ANKRD50: variants seen among roughly 807,000 people sequenced by gnomAD.
The protein encoded by ANKRD50 is ankyrin repeat domain-containing protein 50.
A neutral mutation model predicts 112.0 loss-of-function variants in ANKRD50; 40 were observed. The observed-to-expected ratio is 0.36, with a 90% CI of 0.28 to 0.46. The LOEUF (loss-of-function observed/expected upper bound fraction) is 0.46, where lower values mean the gene tolerates loss of function less well. Among genes scored for constraint, ANKRD50 ranks in the 20% least tolerant of loss-of-function variants. ANKRD50 has a pLI of 1.00. For synonymous variants in ANKRD50, 613 were observed against 619.1 expected (o/e 0.99, Z 0.15); for missense variants, 1,487 against 1,701.7 (o/e 0.87, Z 2.22).
At chr4:124,703,258 G>A (rs1439028479) in intron 2 of ANKRD50, among the ~76,000 whole-genome samples, 2 of 152,080 alleles carry the variant, frequency 1.3e-5, no homozygotes, top group African/African-American at 2.4e-5. Flanking sequence ...TGAGCAGTAC[G>A]TTCACAGGCA....
At chr4:124,703,007 T>C (rs570117865) in intron 2 of ANKRD50, among the ~76,000 whole-genome samples, 1 of 151,988 alleles carries the variant, frequency 6.6e-6, no homozygotes, top group South Asian at 2.1e-4. Flanking sequence ...TGATTGCTAA[T>C]AAGATAGCAA....
chr4:124,701,109 A>G (rs187610255), intron 2 of ANKRD50, among the ~76,000 whole-genome samples: 2 of 152,290 alleles, frequency 1.3e-5, no homozygotes, highest in East Asian at 3.9e-4. Context: ...GATTACAGGC[A>G]TGTACCACCA....
rs1196082727 is a variant in ANKRD50, at chr4:124,670,063, T to C, written c.3214A>G (p.Asn1072Asp). ...GTGCGTCCAAATTGATCAGCATGGT[T>C]TGGATCAGCACCATGCTCTAATAAG... ...QVLLEHGADP[N>D]HADQFGRTAM... Residue 1072 changes from asparagine (N) to aspartate (D), a missense_variant, in exon 4 of 5, where the codon AAC (asparagine) becomes GAC (aspartate). Asn to Asp is a conservative substitution (Grantham distance 23). Transcript: ENST00000504087. 1 of 1,612,784 alleles carries C rather than the reference T, an allele frequency of 6.2e-7. No individual in the cohort carries two copies.
At chr4:124,701,982 CAT>C (rs1338267867) in intron 2 of ANKRD50, among the ~76,000 whole-genome samples, 2 of 152,138 alleles carry the variant, frequency 1.3e-5, no homozygotes, top group Admixed American at 1.3e-4. Flanking sequence ...ACAAAAGCTT[CAT>C]ATGTCTACTG....
chr4:124,683,299 T>C (rs1724934417), intron 2 of ANKRD50, among the ~76,000 whole-genome samples: 1 of 151,278 alleles, frequency 6.6e-6, no homozygotes, highest in Non-Finnish European at 1.5e-5. Flanking sequence ...AATACATATA[T>C]TAATATTATA....
Position 124,670,955 on chromosome 4 carries a change from T to C in ANKRD50, c.2322A>G (p.Val774=). The C allele has an allele frequency of 6.2e-7, 1 of 1,613,906 alleles. No homozygotes were observed. The highest frequency in any genetic ancestry group is 8.5e-7 in the Non-Finnish European group (1 of 1,179,870). Residue 774 remains valine, a synonymous_variant, in exon 4 of 5, where the codon GTA becomes GTG. Coordinates refer to ENST00000504087, the MANE Select transcript of ANKRD50 (RefSeq NM_020337.3). ...VDLLLEGGAD[V]DHTDNNGRTP... ...TACGGCCATTGTTATCTGTGTGATC[T>C]ACATCTGCTCCCCCTTCTAGAAGCA...
intron 2 of ANKRD50, among the ~76,000 whole-genome samples, chr4:124,706,783 G>A (rs1725516095): frequency 6.6e-6 from 1 of 151,936 alleles, no homozygotes; most frequent in South Asian, 2.1e-4. Flanking sequence ...AAACATCATC[G>A]CTTAGCCTAC....
intron 2 of ANKRD50, among the ~76,000 whole-genome samples, chr4:124,695,070 A>G (rs1725222906): frequency 6.6e-6 from 1 of 152,216 alleles, no homozygotes; most frequent in African/African-American, 2.4e-5. Flanking sequence ...ATCCAATAAA[A>G]TTGGAAAGAG....
rs1369452183 is a variant in ANKRD50 at position 124,710,264 on chromosome 4, T to C, written c.248A>G (p.Lys83Arg). ...TAAGAGTTCAGTACATAGGGCCGTC[T>C]TGCCACTGCCAGGCCCTCCTACCAA... ...VLLVGGPGSG[K>R]TALCTELLWP... Residue 83 changes from lysine (K) to arginine (R), a missense_variant, in exon 2 of 5, where the codon AAG becomes AGG. This residue lies in a region of ANKRD50 where 1,046 missense variants were observed against 1,269.5 expected (regional missense o/e 0.82). Coordinates refer to ENST00000504087, the MANE Select transcript of ANKRD50 (RefSeq NM_020337.3). The C allele has an allele frequency of 1.2e-6, 2 of 1,614,222 alleles. No individual in the cohort carries two copies. The highest frequency in any genetic ancestry group is 8.5e-7 in the Non-Finnish European group (1 of 1,180,036).
rs1040461513 is a variant in ANKRD50 at position 124,711,061 on chromosome 4, T to G, written c.-550A>C. ...TCGTTGAAGGATGATCACTCAAGAG[T>G]ACTAGATCGTGCCAGTTTCAGGCAT... On this transcript the variant is annotated 5_prime_UTR_variant, in exon 2 of 5. Coordinates refer to ENST00000504087, the MANE Select transcript of ANKRD50 (RefSeq NM_020337.3). 7.0e-6 allele frequency: 2 copies of G among 284,332 alleles called. No homozygotes were observed. The highest frequency in any genetic ancestry group is 1.3e-5 in the Non-Finnish European group (2 of 155,214). 17.6% of individuals were successfully genotyped at this position (284,332 alleles called of 1,614,324 possible).
chr4:124,686,356 TACAG>T (rs1163020261), intron 2 of ANKRD50, among the ~76,000 whole-genome samples: 1 of 152,138 alleles, frequency 6.6e-6, no homozygotes, highest in Non-Finnish European at 1.5e-5. Context: ...AATTGTGAAT[TACAG>T]ACAGAATGTG....
intron 2 of ANKRD50, among the ~76,000 whole-genome samples, chr4:124,704,608 A>G (rs1269370432): frequency 6.6e-6 from 1 of 152,206 alleles, no homozygotes; most frequent in Non-Finnish European, 1.5e-5. Flanking sequence ...CCTTCTTTCA[A>G]TTAGGTTCAC....
chr4:124,701,531 T>C (rs902864060), intron 2 of ANKRD50, among the ~76,000 whole-genome samples: 12 of 150,390 alleles, frequency 8.0e-5, no homozygotes, highest in African/African-American at 2.5e-4. Flanking sequence ...AAAATGTGTA[T>C]AGTAGAAAGA....
chr4:124,671,629 C>G lies in ANKRD50; in HGVS notation c.1648G>C (p.Ala550Pro), dbSNP rs1165923984. 1.2e-6 allele frequency: 2 copies of G among 1,613,858 alleles called. No individual in the cohort carries two copies. Among genetic ancestry groups the G allele is most frequent in the Non-Finnish European group, 1.7e-6 (2 of 1,179,850 alleles). ...AGACTGCCACTATATGCAGCATTAG[C>G]CAATAATGTTCTCCCATTTGAATCA... is the stretch of plus-strand genomic sequence containing the variant. The part of the protein sequence containing the change: ...QCDSNGRTLL[A>P]NAAYSGSLDV... The change falls in exon 4 of 5, where the codon GCT (alanine) becomes CCT (proline). Residue 550 changes from alanine to proline, a missense_variant. Ala to Pro is a conservative substitution (Grantham distance 27, BLOSUM62 -1). Transcript: ENST00000504087.
Position 124,670,740 on chromosome 4 carries a change from G to A in ANKRD50, c.2537C>T (p.Ala846Val). 1 of 1,613,758 alleles carries A rather than the reference G, an allele frequency of 6.2e-7. No homozygotes were observed. The highest frequency in any genetic ancestry group is 8.5e-7 in the Non-Finnish European group (1 of 1,179,854). Residue 846 changes from alanine (A) to valine (V), a missense_variant, in exon 4 of 5, where the codon GCT becomes GTT. Ala to Val is a moderately conservative substitution (Grantham distance 64, BLOSUM62 0). Around this residue, in one of 2 missense-constraint regions of ANKRD50, gnomAD observed 1,046 missense variants for 1,269.5 expected, o/e 0.82. Transcript: ENST00000504087. Reference sequence around the variant, plus strand: ...TGCCATGTGCAAAGGTGTCCATCCAGCATCATCTCTGTGATTTTCATCTAA... The same window carrying A: ...TGCCATGTGCAAAGGTGTCCATCCAACATCATCTCTGTGATTTTCATCTAA... ...RGLDENHRDDAGWTPLHMAAF... is the reference protein window; with the variant it reads ...RGLDENHRDDVGWTPLHMAAF...
chr4:124,711,910 A>T (rs1725641778), intron 1 of ANKRD50, among the ~76,000 whole-genome samples: 1 of 152,174 alleles, frequency 6.6e-6, no homozygotes, highest in African/African-American at 2.4e-5. Context: ...AGGCTGCTAG[A>T]GAGAAATTCC....
Position 124,670,978 on chromosome 4 carries a change from G to A in ANKRD50, c.2299C>T (p.Leu767Phe). The change falls in exon 4 of 5, where the codon CTT (leucine) becomes TTT (phenylalanine). Residue 767 changes from leucine (L) to phenylalanine (F), a missense_variant. Coordinates refer to ENST00000504087, the MANE Select transcript of ANKRD50 (RefSeq NM_020337.3). Reference protein sequence around the residue: ...YEGHVDVVDLLLEGGADVDHT... With the variant: ...YEGHVDVVDLFLEGGADVDHT... ...TCTACATCTGCTCCCCCTTCTAGAAGCAAGTCAACCACATCAACATGTCCT... is the reference window on the plus strand; with the variant it reads ...TCTACATCTGCTCCCCCTTCTAGAAACAAGTCAACCACATCAACATGTCCT... 1 of 1,613,826 alleles carries A rather than the reference G, an allele frequency of 6.2e-7. No individual in the cohort carries two copies. The highest frequency in any genetic ancestry group is 1.1e-5 in the South Asian group (1 of 91,084).
chr4:124,681,732 T>C (rs1724891642), intron 2 of ANKRD50, among the ~76,000 whole-genome samples: 1 of 152,228 alleles, frequency 6.6e-6, no homozygotes, highest in Non-Finnish European at 1.5e-5. Context: ...CCTAGTTTCT[T>C]ACAGTGGAAA....
chr4:124,696,409 C>A (rs187303907), intron 2 of ANKRD50, among the ~76,000 whole-genome samples: 445 of 152,090 alleles, frequency 2.9e-3, no homozygotes, highest in African/African-American at 0.01. Context: ...AACATACATA[C>A]AATTGTGGTC....
Sources: gnomAD v4.1 joint callset for allele counts (sites outside exome capture counted in the v4.1 genomes callset) on GRCh38, gnomAD v4.1.1 for gene constraint, gnomAD v4.1.1 regional missense constraint, MANE v1.5 for transcripts, NCBI Gene and HGNC (gene_info 2026-07-23, HGNC 2026-07-21) for gene names.